The following RAP1GAP2 variants were observed in gnomAD, a reference collection of about 807,000 sequenced individuals.
RAP1GAP2 encodes the protein RAP1 GTPase activating protein 2, also known as rap1 GTPase-activating protein 2.
In RAP1GAP2, 27 loss-of-function variants were observed where a neutral mutation model predicts 95.0. The ratio of observed to expected loss-of-function variants is 0.28; its 90% CI spans 0.21 to 0.39. The LOEUF (loss-of-function observed/expected upper bound fraction) is 0.39, where lower values mean the gene tolerates loss of function less well. RAP1GAP2 is among the 10% of genes least tolerant of loss of function. RAP1GAP2 has a pLI of 1.00. For synonymous variants in RAP1GAP2, 373 were observed against 380.9 expected, an observed-to-expected ratio of 0.98 and a Z score of 0.24; for missense variants, 771 against 970.0, an observed-to-expected ratio of 0.79 and a Z score of 2.72.
chr17:2,867,388 C>A lies in RAP1GAP2; in HGVS notation c.81-37896C>A, dbSNP rs1012148089. ...TCTTTGGACACTGGTTCTTTCACCC[C>A]GTCTCTAGGCTGTGCCTTCCTTTGG... On this transcript the variant is annotated intron_variant, in intron 2 of 24. Coordinates refer to ENST00000254695, the MANE Select transcript of RAP1GAP2 (RefSeq NM_015085.5). This position sits in a 1 kb window ranked among gnomAD's most constrained non-coding sequence, Gnocchi z 4.5. 6.6e-6 allele frequency among the ~76,000 whole-genome samples: 1 copy of A among 152,184 alleles called. No individual in the cohort carries two copies. The highest frequency in any genetic ancestry group is 1.5e-5 in the Non-Finnish European group (1 of 68,030).
intron 1 of RAP1GAP2, among the ~76,000 whole-genome samples, chr17:2,784,991 C>T (rs977270834): frequency 1.3e-5 from 2 of 152,208 alleles, no homozygotes; most frequent in African/African-American, 2.4e-5. Flanking sequence ...CTGTCCCTGC[C>T]GCCTGCTTCC....
At chr17:2,997,334 G>T (rs1197124906) in intron 13 of RAP1GAP2, among the ~76,000 whole-genome samples, 1 of 152,158 alleles carries the variant, frequency 6.6e-6, no homozygotes, top group Non-Finnish European at 1.5e-5. Flanking sequence ...TTGCTTTCCA[G>T]CCCTGTAATT....
intron 2 of RAP1GAP2, among the ~76,000 whole-genome samples, chr17:2,863,741 G>T (rs1260575412): frequency 6.6e-6 from 1 of 152,184 alleles, no homozygotes; most frequent in East Asian, 1.9e-4. Flanking sequence ...TGATGGATGG[G>T]GCTGAGTTAA....
At chr17:2,918,549 C>G (rs189544585) in intron 3 of RAP1GAP2, among the ~76,000 whole-genome samples, 1 of 151,322 alleles carries the variant, frequency 6.6e-6, no homozygotes, top group South Asian at 2.1e-4. Context: ...AACTTTTATT[C>G]ATGGTGGAAG....
At chr17:2,896,977 G>A (rs546482537) in intron 2 of RAP1GAP2, among the ~76,000 whole-genome samples, 4 of 152,292 alleles carry the variant, frequency 2.6e-5, no homozygotes, top group East Asian at 1.9e-4. Flanking sequence ...CTATGCAGGG[G>A]ACCAGTAGCC....
chr17:2,756,607 G>T (rs1007457928), intron 1 of RAP1GAP2, among the ~76,000 whole-genome samples: 2 of 152,150 alleles, frequency 1.3e-5, no homozygotes, highest in Non-Finnish European at 2.9e-5. Flanking sequence ...ATTCAAAAGA[G>T]AATGTCGGCC....
chr17:2,789,987 C>T (rs1381142597), intron 1 of RAP1GAP2, among the ~76,000 whole-genome samples: 1 of 152,054 alleles, frequency 6.6e-6, no homozygotes, highest in Non-Finnish European at 1.5e-5. Flanking sequence ...AATCACTATG[C>T]AGATGCTAGG....
chr17:3,027,179 T>C lies in RAP1GAP2; in HGVS notation c.2107+109T>C. The stretch of plus-strand genomic sequence containing the variant: ...TGAACTGGCCAGTTTTCACCCCTCC[T>C]CCCAGCTGTGAGGCCCTCCGCTCTG... On this transcript the variant is annotated intron_variant, in intron 22 of 24. Coordinates refer to ENST00000254695, the MANE Select transcript of RAP1GAP2 (RefSeq NM_015085.5). This position sits in a 1 kb window ranked among gnomAD's most constrained non-coding sequence, Gnocchi z 5.2. 1 of 1,385,126 alleles carries C rather than the reference T, an allele frequency of 7.2e-7. No homozygotes were observed. The highest frequency in any genetic ancestry group is 9.6e-7 in the Non-Finnish European group (1 of 1,041,024). 85.8% of individuals were successfully genotyped at this position (1,385,126 alleles called of 1,614,324 possible).
chr17:2,936,655 G>A (rs1343117937), intron 3 of RAP1GAP2, among the ~76,000 whole-genome samples: 1 of 152,030 alleles, frequency 6.6e-6, no homozygotes, highest in Non-Finnish European at 1.5e-5. Flanking sequence ...GGTAGGAATG[G>A]GTCCTGGGCT....
chr17:2,794,470 A>T (rs1328711954), upstream of RAP1GAP2, among the ~76,000 whole-genome samples: 1 of 152,156 alleles, frequency 6.6e-6, no homozygotes, highest in East Asian at 1.9e-4. Context: ...TGCAGTGGCC[A>T]TCCTGTGGGA....
In RAP1GAP2 at chr17:2,838,175, C is replaced by T. The variant is rs570838763; in HGVS notation, c.80+37625C>T. On this transcript the variant is annotated intron_variant, in intron 2 of 24. Coordinates refer to ENST00000254695, the MANE Select transcript of RAP1GAP2 (RefSeq NM_015085.5). Reference sequence around the variant, plus strand: ...CTGCGATTACAGGCGCCCACCACTGCATCCAGCTAATTTTTTGTATTTTTA... The same window carrying T: ...CTGCGATTACAGGCGCCCACCACTGTATCCAGCTAATTTTTTGTATTTTTA... 3.3e-5 allele frequency among the ~76,000 whole-genome samples: 5 copies of T among 152,020 alleles called. No homozygotes were observed. The East Asian group carries it at 7.8e-4, about 24-fold the overall frequency.
At chr17:2,993,236 G>A (rs1373162177) in intron 12 of RAP1GAP2, among the ~76,000 whole-genome samples, 10 of 147,594 alleles carry the variant, frequency 6.8e-5, no homozygotes, top group African/African-American at 2.5e-4. Context: ...AAAAAAAAAG[G>A]AGGTAAAGAT....
chr17:2,895,669 C>G (rs561872431), intron 2 of RAP1GAP2, among the ~76,000 whole-genome samples: 1 of 151,898 alleles, frequency 6.6e-6, no homozygotes, highest in Admixed American at 6.6e-5. Flanking sequence ...CTCCGCCTCC[C>G]GGGTTCAAGC....
chr17:2,986,770 T>G (rs2045572182), intron 11 of RAP1GAP2, among the ~76,000 whole-genome samples: 1 of 152,108 alleles, frequency 6.6e-6, no homozygotes, highest in Non-Finnish European at 1.5e-5. Context: ...AGGATCAAAA[T>G]AATGGCAATA....
Position 2,770,448 on chromosome 17 carries a change from A to G in RAP1GAP2, c.167+3A>G, listed in dbSNP as rs2068368388. The G allele has an allele frequency of 1.3e-5, 5 of 398,630 alleles. No individual in the cohort carries two copies. The Admixed American group carries it at 2.2e-4, about 18-fold the overall frequency. 24.7% of individuals were successfully genotyped at this position (398,630 alleles called of 1,614,324 possible). A position where few individuals can be genotyped will look rare whatever the true frequency, so the allele number is the denominator to read the frequency against. On this transcript the variant is annotated splice_donor_region_variant and intron_variant, in intron 2 of 25. Coordinates refer to the RAP1GAP2 transcript ENST00000637138. ...GCTGACCTCGAGTCTCCCTCCAGGT[A>G]AAGGGGCCTTCTGCCTTGACCCTCA...
intron 2 of RAP1GAP2, among the ~76,000 whole-genome samples, chr17:2,815,670 T>G (rs2069980665): frequency 6.6e-6 from 1 of 151,872 alleles, no homozygotes; most frequent in Non-Finnish European, 1.5e-5. Context: ...TTAGTAGAGA[T>G]GGGGTTTCAC....
intron 3 of RAP1GAP2, among the ~76,000 whole-genome samples, chr17:2,908,984 G>C (rs764689838): frequency 1.4e-4 from 22 of 152,176 alleles, no homozygotes; most frequent in Admixed American, 9.2e-4. Flanking sequence ...GGGATTACAG[G>C]TGTGAGCCAC....
At chr17:3,009,880 G>A (rs1306694545) in intron 17 of RAP1GAP2, among the ~76,000 whole-genome samples, 1 of 152,100 alleles carries the variant, frequency 6.6e-6, no homozygotes, top group African/African-American at 2.4e-5. Flanking sequence ...TGGAGAGTGT[G>A]AGATGCGGTA....
Position 2,963,393 on chromosome 17 carries a change from C to T in RAP1GAP2, c.247-37C>T, listed in dbSNP as rs371534217. ...AGTGGTCAGACTTTACGGGCACTGC[C>T]GGGACTAACGGTGGCATCATCTGGT... On this transcript the variant is annotated intron_variant, in intron 5 of 24. Coordinates refer to ENST00000254695, the MANE Select transcript of RAP1GAP2 (RefSeq NM_015085.5). This position sits in a 1 kb window ranked among gnomAD's most constrained non-coding sequence, Gnocchi z 4.8. The T allele has an allele frequency of 2.5e-5, 40 of 1,613,530 alleles. No homozygotes were observed. In the East Asian group the frequency reaches 3.6e-4, roughly 14 times the overall value.
Sources: allele counts gnomAD v4.1 joint callset (sites outside exome capture counted in the v4.1 genomes callset), GRCh38; gene constraint gnomAD v4.1.1; non-coding constraint Gnocchi (gnomAD v3.1); transcripts MANE v1.5; gene names NCBI Gene and HGNC (gene_info 2026-07-23, HGNC 2026-07-21).